The following SGMS1 variants were observed in gnomAD, a reference collection of about 807,000 sequenced individuals.
SGMS1 encodes the protein phosphatidylcholine:ceramide cholinephosphotransferase 1.
Under a neutral mutation model 46.2 loss-of-function variants are expected in SGMS1, and 13 were observed. The ratio of observed to expected loss-of-function variants is 0.28; its 90% CI spans 0.18 to 0.45. SGMS1 has a LOEUF of 0.45. SGMS1 is among the 20% of genes least tolerant of loss of function. SGMS1 has a pLI of 1.00. For synonymous variants in SGMS1, 203 were observed against 187.8 expected, an observed-to-expected ratio of 1.08 and a Z score of -0.66; for missense variants, 324 against 519.9, an observed-to-expected ratio of 0.62 and a Z score of 3.66.
rs1211254588 is a variant in SGMS1 at position 50,343,767 on chromosome 10, T to A, written c.348A>T (p.Ile116=). Residue 116 remains isoleucine (I), a synonymous_variant, in exon 7 of 11, where the codon ATA becomes ATT. Coordinates refer to ENST00000361781, the MANE Select transcript of SGMS1 (RefSeq NM_147156.4). ...GMPNGYRKEM[I]KIPMPELERS... The stretch of plus-strand genomic sequence containing the variant: ...GCTCCAGTTCTGGCATGGGGATCTT[T>A]ATCATCTCTTTCCTATACCCATTTG... 6.2e-7 allele frequency: 1 copy of A among 1,614,192 alleles called. No individual in the cohort carries two copies. The highest frequency in any genetic ancestry group is 8.5e-7 in the Non-Finnish European group (1 of 1,180,040).
In SGMS1 at chr10:50,363,795, G is replaced by A. The variant is rs191693060; in HGVS notation, c.-231-19450C>T. Among the ~76,000 whole-genome samples the A allele has an allele frequency of 1.4e-3, 215 of 152,116 alleles. 1 individual carries two copies. Among genetic ancestry groups the A allele is most frequent in the African/African-American group, 4.5e-3 (188 of 41,472 alleles). On this transcript the variant is annotated intron_variant, in intron 6 of 10. Transcript: ENST00000361781. ...TCTTACACTGAAACCATATAAACAA[G>A]CTCACCTCATGCAAAGAGTTTCCAA...
chr10:50,593,668 T>A (rs1838563564), intron 1 of SGMS1, among the ~76,000 whole-genome samples: 1 of 152,162 alleles, frequency 6.6e-6, no homozygotes, highest in African/African-American at 2.4e-5. Context: ...ATCAATATGT[T>A]GTTGTGATTT....
At chr10:50,410,125 A>G (rs534537923) in intron 6 of SGMS1, among the ~76,000 whole-genome samples, 47 of 152,360 alleles carry the variant, frequency 3.1e-4, no homozygotes, top group African/African-American at 1.1e-3. Flanking sequence ...ACTCGTTTAC[A>G]TGAGTCACTC....
intron 6 of SGMS1, among the ~76,000 whole-genome samples, chr10:50,424,798 G>A (rs758148960): frequency 3.9e-5 from 6 of 151,932 alleles, no homozygotes; most frequent in Non-Finnish European, 8.8e-5. Flanking sequence ...TGTAATCCCA[G>A]CTACTCGGGA....
intron 4 of SGMS1, among the ~76,000 whole-genome samples, 178 bp downstream of exon 4, chr10:50,466,712 T>G (rs1232646203): frequency 6.6e-6 from 1 of 152,182 alleles, no homozygotes; most frequent in Admixed American, 6.5e-5. Context: ...GTTCAAAATA[T>G]GTACATAACT....
chr10:50,448,612 C>T (rs1000110317), intron 5 of SGMS1, among the ~76,000 whole-genome samples: 19 of 151,846 alleles, frequency 1.3e-4, no homozygotes, highest in African/African-American at 2.9e-4. Flanking sequence ...GGCGTGGTGG[C>T]GCATGCCTGT....
intron 2 of SGMS1, among the ~76,000 whole-genome samples, chr10:50,568,151 T>C (rs1382137524): frequency 1.3e-5 from 2 of 152,194 alleles, no homozygotes; most frequent in African/African-American, 4.8e-5. Flanking sequence ...AAGCATCTAG[T>C]ACCATAAGAG....
intron 3 of SGMS1, among the ~76,000 whole-genome samples, chr10:50,503,971 C>T (rs552036836): frequency 1.3e-5 from 2 of 152,360 alleles, no homozygotes; most frequent in South Asian, 2.1e-4. Flanking sequence ...GAGTGATTTA[C>T]GCTGACTGAC....
rs1838526880 is a variant in SGMS1 at position 50,590,142 on chromosome 10, T to C, written c.-589+11A>G. ...TTTACAATAAAAAGCTGCATAGAAA[T>C]ATTTACTTACCTTTCAAATGATGGC... On this transcript the variant is annotated intron_variant, in intron 2 of 10. Coordinates refer to ENST00000361781, the MANE Select transcript of SGMS1 (RefSeq NM_147156.4). 1 of 152,324 alleles carries C rather than the reference T, an allele frequency of 6.6e-6. No homozygotes were observed. 9.4% of individuals were successfully genotyped at this position (152,324 alleles called of 1,614,324 possible).
intron 5 of SGMS1, among the ~76,000 whole-genome samples, chr10:50,453,924 G>A (rs968127609): frequency 3.4e-5 from 5 of 149,126 alleles, no homozygotes; most frequent in African/African-American, 1.2e-4. Context: ...TGGGAGAGAA[G>A]GAGTTTCCCC....
At chr10:50,528,838 C>A (rs1339165881) in intron 2 of SGMS1, among the ~76,000 whole-genome samples, 1 of 139,362 alleles carries the variant, frequency 7.2e-6, no homozygotes. Context: ...ACCCTTCTTC[C>A]AAAAAGAGAA....
intron 3 of SGMS1, among the ~76,000 whole-genome samples, chr10:50,516,815 T>C (rs1412218392): frequency 6.6e-6 from 1 of 152,112 alleles, no homozygotes; most frequent in Non-Finnish European, 1.5e-5. Context: ...ATAATTAGAG[T>C]CTGAATAAAT....
intron 6 of SGMS1, among the ~76,000 whole-genome samples, chr10:50,362,847 C>A (rs180906521): frequency 1.0e-3 from 154 of 152,126 alleles, no homozygotes; most frequent in African/African-American, 3.3e-3. Context: ...ACGGAGAAAC[C>A]CTAGGTTCTC....
intron 8 of SGMS1, among the ~76,000 whole-genome samples, chr10:50,320,979 C>A (rs189834568): frequency 6.6e-6 from 1 of 152,190 alleles, no homozygotes; most frequent in Non-Finnish European, 1.5e-5. Flanking sequence ...GGAGAAGGCG[C>A]TTGTCTTATA....
intron 2 of SGMS1, among the ~76,000 whole-genome samples, chr10:50,579,391 A>T (rs568942987): frequency 6.6e-6 from 1 of 152,274 alleles, no homozygotes; most frequent in South Asian, 2.1e-4. Flanking sequence ...AAATTTCTAA[A>T]AATGAAGGAT....
chr10:50,361,341 C>A lies in SGMS1; in HGVS notation c.-231-16996G>T, dbSNP rs1286774182. 7.0e-5 allele frequency among the ~76,000 whole-genome samples: 7 copies of A among 100,350 alleles called. No homozygotes were observed. In the East Asian group the frequency reaches 2.9e-3, roughly 41 times the overall value. The allele number at this position is 100,350 out of a possible 152,430, so 65.8% of individuals were successfully genotyped here. On this transcript the variant is annotated intron_variant, in intron 6 of 10. Transcript: ENST00000361781. ...CTCCTCATCCCTGTCTCTCCTCATACCCCCAGGATTAAGCAAGCATAAACT... is the reference window on the plus strand; with the variant it reads ...CTCCTCATCCCTGTCTCTCCTCATAACCCCAGGATTAAGCAAGCATAAACT...
At position 50,454,802 on chromosome 10, in the gene SGMS1, C is replaced by T. The variant is rs1440172974; in HGVS notation, c.-313+5871G>A. 2.6e-5 allele frequency among the ~76,000 whole-genome samples: 4 copies of T among 152,248 alleles called. No individual in the cohort carries two copies. In the East Asian group the frequency reaches 7.7e-4, roughly 29 times the overall value. Reference sequence around the variant, plus strand: ...TGATGGAGGAAATCCTACCTTTTCTCTGAATTATTTAATGAGAGCTGGTGA... The same window carrying T: ...TGATGGAGGAAATCCTACCTTTTCTTTGAATTATTTAATGAGAGCTGGTGA... On this transcript the variant is annotated intron_variant, in intron 5 of 10. Coordinates refer to ENST00000361781, the MANE Select transcript of SGMS1 (RefSeq NM_147156.4).
chr10:50,570,408 T>C (rs1473873079), intron 2 of SGMS1, among the ~76,000 whole-genome samples: 4 of 152,220 alleles, frequency 2.6e-5, no homozygotes, highest in African/African-American at 4.8e-5. Context: ...TCAACTATTA[T>C]GACATTTTAA....
At chr10:50,407,984 T>C (rs997227205) in intron 6 of SGMS1, among the ~76,000 whole-genome samples, 2 of 152,324 alleles carry the variant, frequency 1.3e-5, no homozygotes, top group East Asian at 3.9e-4. Context: ...ACAGTGTATA[T>C]AGCACAGTGC....
Sources: allele counts gnomAD v4.1 joint callset (sites outside exome capture counted in the v4.1 genomes callset), GRCh38; gene constraint gnomAD v4.1.1; transcripts MANE v1.5; gene names NCBI Gene and HGNC (gene_info 2026-07-23, HGNC 2026-07-21).